GATAD2B: variants seen among roughly 807,000 people sequenced by gnomAD.
The protein encoded by GATAD2B is transcriptional repressor p66-beta.
GATAD2B carries 8 observed loss-of-function variants against 64.3 expected under a neutral mutation model. The ratio of observed to expected loss-of-function variants is 0.12; its 90% CI spans 0.07 to 0.22. The LOEUF (loss-of-function observed/expected upper bound fraction) is 0.22, where lower values mean the gene tolerates loss of function less well. GATAD2B is among the 10% of genes least tolerant of loss of function. The pLI is 1.00. For missense variants in GATAD2B, 453 were observed against 752.0 expected (o/e 0.60, Z 4.65); for synonymous variants, 281 against 271.3 (o/e 1.04, Z -0.35).
intron 1 of GATAD2B, among the ~76,000 whole-genome samples, chr1:153,847,401 T>C (rs1675726021): frequency 6.6e-6 from 1 of 152,170 alleles, no homozygotes; most frequent in Non-Finnish European, 1.5e-5. Flanking sequence ...CCACATCTTT[T>C]TGAGATGGAG....
chr1:153,830,742 T>A (rs1675051463), intron 1 of GATAD2B, among the ~76,000 whole-genome samples: 1 of 152,050 alleles, frequency 6.6e-6, no homozygotes, highest in South Asian at 2.1e-4. Context: ...CCCAAAGTGC[T>A]GGGATTACAG....
chr1:153,823,784 G>A (rs1441376042), intron 2 of GATAD2B, among the ~76,000 whole-genome samples: 2 of 150,948 alleles, frequency 1.3e-5, no homozygotes, highest in African/African-American at 4.9e-5. Context: ...AGGCTGGAGT[G>A]CAGTGGTGCA....
At chr1:153,850,441 A>G (rs1294087878) in intron 1 of GATAD2B, among the ~76,000 whole-genome samples, 1 of 152,068 alleles carries the variant, frequency 6.6e-6, no homozygotes, top group Non-Finnish European at 1.5e-5. Flanking sequence ...CTGGGATTAC[A>G]GGCATCCGCC....
intron 2 of GATAD2B, among the ~76,000 whole-genome samples, chr1:153,824,025 C>A (rs1021486045): frequency 1.3e-5 from 2 of 152,134 alleles, no homozygotes; most frequent in East Asian, 3.9e-4. Context: ...CCACTGTGCC[C>A]AGCAGTTTTG....
intron 1 of GATAD2B, among the ~76,000 whole-genome samples, chr1:153,887,611 A>AT (rs1677224673): frequency 6.6e-6 from 1 of 151,966 alleles, no homozygotes; most frequent in Non-Finnish European, 1.5e-5. Flanking sequence ...CTCCTATTTT[A>AT]TTTTTTTTAA....
chr1:153,874,242 A>G (rs1174307736), intron 1 of GATAD2B, among the ~76,000 whole-genome samples: 1 of 151,476 alleles, frequency 6.6e-6, no homozygotes, highest in Non-Finnish European at 1.5e-5. Flanking sequence ...AGCCTGGGAG[A>G]CAGAGCAACA....
At chr1:153,825,874 C>T (rs1248010706) in intron 2 of GATAD2B, among the ~76,000 whole-genome samples, 1 of 152,208 alleles carries the variant, frequency 6.6e-6, no homozygotes, top group Non-Finnish European at 1.5e-5. Context: ...CATTCTCCAC[C>T]AGTCCAGCTT....
At chr1:153,850,564 T>A (rs923587221) in intron 1 of GATAD2B, among the ~76,000 whole-genome samples, 2 of 152,118 alleles carry the variant, frequency 1.3e-5, no homozygotes, top group Non-Finnish European at 2.9e-5. Context: ...CCTCCCAAAA[T>A]GCTGGGATTA....
At chr1:153,881,008 T>C (rs1254600110) in intron 1 of GATAD2B, among the ~76,000 whole-genome samples, 1 of 151,958 alleles carries the variant, frequency 6.6e-6, no homozygotes, top group African/African-American at 2.4e-5. Flanking sequence ...GTCAAAAGGG[T>C]ATTTTTCTTG....
At chr1:153,819,026 A>G (rs1674581453) in intron 3 of GATAD2B, 104 bp from the exon 4 acceptor site, 3 of 1,149,220 alleles carry the variant, frequency 2.6e-6, no homozygotes, top group Non-Finnish European at 3.7e-6. Context: ...CATCTTCCAC[A>G]AGAAGCAGAA....
At chr1:153,901,432 G>C (rs972281049) in intron 1 of GATAD2B, among the ~76,000 whole-genome samples, 1 of 152,068 alleles carries the variant, frequency 6.6e-6, no homozygotes, top group Non-Finnish European at 1.5e-5. Context: ...GCGTAGAGGG[G>C]AAGTGCATTA....
At chr1:153,867,944 A>C (rs1048667602) in intron 1 of GATAD2B, among the ~76,000 whole-genome samples, 2 of 152,128 alleles carry the variant, frequency 1.3e-5, no homozygotes, top group Admixed American at 1.3e-4. Context: ...CACGCCTATA[A>C]TCCCAGCACT....
At chr1:153,909,215 AT>A (rs892524316) in intron 1 of GATAD2B, among the ~76,000 whole-genome samples, 5 of 151,000 alleles carry the variant, frequency 3.3e-5, no homozygotes, top group South Asian at 4.2e-4. Flanking sequence ...ATTAAAAATA[AT>A]TTTTTTTTCT....
chr1:153,827,274 C>T (rs1570937288), intron 2 of GATAD2B, among the ~76,000 whole-genome samples: 2 of 145,472 alleles, frequency 1.4e-5, no homozygotes, highest in African/African-American at 5.0e-5. Context: ...ACCAAAAAAA[C>T]TCATAAAAAA....
At chr1:153,895,806 G>C (rs1229811410) in intron 1 of GATAD2B, among the ~76,000 whole-genome samples, 2 of 151,990 alleles carry the variant, frequency 1.3e-5, no homozygotes, top group African/African-American at 4.8e-5. Context: ...GGTTAGGGCT[G>C]AGTACGCTGT....
intron 1 of GATAD2B, among the ~76,000 whole-genome samples, chr1:153,836,181 TGTAATCCCA>T (rs1353649195): frequency 6.6e-6 from 1 of 151,820 alleles, no homozygotes; most frequent in African/African-American, 2.4e-5. Flanking sequence ...GGCTTGTGTG[TGTAATCCCA>T]GTGACACAAG....
chr1:153,839,884 G>C (rs1399340183), intron 1 of GATAD2B, among the ~76,000 whole-genome samples: 1 of 151,960 alleles, frequency 6.6e-6, no homozygotes, highest in Non-Finnish European at 1.5e-5. Flanking sequence ...TGAGGCAGGA[G>C]AATCACTTGA....
chr1:153,842,562 T>C (rs1449882536), intron 1 of GATAD2B, among the ~76,000 whole-genome samples: 1 of 152,212 alleles, frequency 6.6e-6, no homozygotes, highest in Non-Finnish European at 1.5e-5. Flanking sequence ...TAGCATAGTT[T>C]GTATATTTTT....
At chr1:153,916,363 A>C (rs1002931750) in intron 1 of GATAD2B, among the ~76,000 whole-genome samples, 2 of 152,222 alleles carry the variant, frequency 1.3e-5, no homozygotes, top group African/African-American at 4.8e-5. Context: ...AGAGCTGTTG[A>C]ATGAGAACAG....
Sources: gnomAD v4.1 joint callset for allele counts (sites outside exome capture counted in the v4.1 genomes callset) on GRCh38, gnomAD v4.1.1 for gene constraint, MANE v1.5 for transcripts, NCBI Gene and HGNC (gene_info 2026-07-23, HGNC 2026-07-21) for gene names.